The following SMYD1 variants were observed in gnomAD, a reference collection of about 807,000 sequenced individuals.
The protein encoded by SMYD1 is histone-lysine N-methyltransferase SMYD1.
SMYD1 carries 49 observed loss-of-function variants against 54.0 expected under a neutral mutation model. The ratio of observed to expected loss-of-function variants is 0.91; its 90% CI spans 0.72 to 1.15. SMYD1 has a LOEUF of 1.15. Ranked by LOEUF, SMYD1 falls within the 50% of genes most tolerant of loss-of-function variation. The pLI is 0.00. For synonymous variants in SMYD1, 269 were observed against 234.2 expected, an observed-to-expected ratio of 1.15 and a Z score of -1.36; for missense variants, 653 against 639.6, an observed-to-expected ratio of 1.02 and a Z score of -0.23.
At position 88,106,450 on chromosome 2, in the gene SMYD1, G is replaced by A. The variant is rs202053287; in HGVS notation, c.1107G>A (p.Glu369=). The change falls in exon 8 of 10, where the codon GAG becomes GAA. Residue 369 remains glutamate, a synonymous_variant. Coordinates refer to ENST00000419482, the MANE Select transcript of SMYD1 (RefSeq NM_198274.4). ...EVLSYLQAFE[E]ASFYARRMVD... Reference sequence around the variant, plus strand: ...TTTCCTACCTCCAGGCCTTTGAGGAGGCCTCGTTCTATGCCAGGAGGATGG... The same window carrying A: ...TTTCCTACCTCCAGGCCTTTGAGGAAGCCTCGTTCTATGCCAGGAGGATGG... The A allele has an allele frequency of 2.2e-5, 35 of 1,614,048 alleles. No individual in the cohort carries two copies. The Middle Eastern group carries it at 6.6e-4, about 30-fold the overall frequency.
chr2:88,102,148 G>A (rs902492254), intron 6 of SMYD1, among the ~76,000 whole-genome samples: 1 of 151,426 alleles, frequency 6.6e-6, no homozygotes, highest in Admixed American at 6.6e-5. Flanking sequence ...AAATAATAAA[G>A]TTATTTTCAT....
At position 88,086,755 on chromosome 2, in the gene SMYD1, A is replaced by G. The variant is rs142581923; in HGVS notation, c.315-1107A>G. 1.1e-3 allele frequency among the ~76,000 whole-genome samples: 163 copies of G among 152,326 alleles called. 1 individual carries two copies. The highest frequency in any genetic ancestry group is 3.8e-3 in the African/African-American group (157 of 41,578). ...ACAAATCATGTTATGTTTTCAATCA[A>G]CTTTCTATTAGTACCGATTTCAGAA... On this transcript the variant is annotated intron_variant, in intron 2 of 9. Transcript: ENST00000419482.
chr2:88,080,005 A>G (rs1404376524), intron 1 of SMYD1, among the ~76,000 whole-genome samples: 3 of 152,244 alleles, frequency 2.0e-5, no homozygotes, highest in Non-Finnish European at 4.4e-5. Context: ...ATATCTTTTA[A>G]TAAACATTGT....
intron 7 of SMYD1, among the ~76,000 whole-genome samples, chr2:88,105,265 C>T (rs1474743058): frequency 1.3e-5 from 2 of 152,146 alleles, no homozygotes; most frequent in East Asian, 3.9e-4. Flanking sequence ...TTTACCCTCT[C>T]TGTGCTTCAG....
At chr2:88,079,851 A>G (rs1029857395) in intron 1 of SMYD1, among the ~76,000 whole-genome samples, 3 of 152,092 alleles carry the variant, frequency 2.0e-5, no homozygotes, top group Non-Finnish European at 4.4e-5. Context: ...ATAAAAGTCA[A>G]TCTGTTTTTT....
intron 1 of SMYD1, 46 bp downstream of exon 1, chr2:88,068,047 G>T: frequency 6.3e-7 from 1 of 1,578,494 alleles, no homozygotes; most frequent in Non-Finnish European, 8.6e-7. Context: ...GTTTGGCTGG[G>T]GCCAAACTCT....
chr2:88,089,688 G>T (rs58253454), intron 3 of SMYD1, among the ~76,000 whole-genome samples: 10,678 of 149,108 alleles, frequency 0.072, 1,227 homozygotes, highest in African/African-American at 0.24. Flanking sequence ...CATCTTCCAG[G>T]CTCAAGTGAT....
intron 1 of SMYD1, among the ~76,000 whole-genome samples, chr2:88,073,797 T>C (rs941786877): frequency 5.9e-5 from 9 of 152,256 alleles, no homozygotes; most frequent in African/African-American, 2.2e-4. Context: ...TTAAAACTTT[T>C]TTTAGTATTG....
At chr2:88,077,810 G>A (rs1473486594) in intron 1 of SMYD1, among the ~76,000 whole-genome samples, 1 of 146,782 alleles carries the variant, frequency 6.8e-6, no homozygotes, top group Non-Finnish European at 1.5e-5. Flanking sequence ...TGCAAGCTCC[G>A]CCTCCCAGGT....
At chr2:88,077,011 CAAAAA>C (rs112988082) in intron 1 of SMYD1, among the ~76,000 whole-genome samples, 2 of 117,204 alleles carry the variant, frequency 1.7e-5, no homozygotes, top group Admixed American at 9.2e-5. Flanking sequence ...GACCCTGTCT[CAAAAA>C]AAAAAAAAAA....
intron 6 of SMYD1, among the ~76,000 whole-genome samples, chr2:88,099,088 T>G (rs1366142596): frequency 2.0e-5 from 3 of 152,174 alleles, no homozygotes; most frequent in Non-Finnish European, 2.9e-5. Flanking sequence ...AATTTTATTT[T>G]ATTTTTATTT....
chr2:88,072,022 A>T (rs938603665), intron 1 of SMYD1, among the ~76,000 whole-genome samples: 33 of 151,290 alleles, frequency 2.2e-4, no homozygotes, highest in African/African-American at 8.0e-4. Context: ...AAAAAACCCC[A>T]GCTATTAACA....
At chr2:88,078,736 A>G (rs1488044024) in intron 1 of SMYD1, among the ~76,000 whole-genome samples, 1 of 152,236 alleles carries the variant, frequency 6.6e-6, no homozygotes, top group Non-Finnish European at 1.5e-5. Flanking sequence ...GAGTTTTAAC[A>G]AGATTGCTGG....
At position 88,087,857 on chromosome 2, in the gene SMYD1, C is replaced by G; in HGVS notation, c.315-5C>G. The G allele has an allele frequency of 1.3e-6, 2 of 1,560,320 alleles. No individual in the cohort carries two copies. The highest frequency in any genetic ancestry group is 1.7e-6 in the Non-Finnish European group (2 of 1,152,652). ...AGTGGCCTCCTGACGCTGCCCTTCC[C>G]ACAGGCTGGCGGCGCGCATCATGTG... On this transcript the variant is annotated splice_region_variant and splice_polypyrimidine_tract_variant and intron_variant, in intron 2 of 9. Transcript: ENST00000419482.
At chr2:88,101,266 G>T (rs1184864553) in intron 6 of SMYD1, among the ~76,000 whole-genome samples, 4 of 152,234 alleles carry the variant, frequency 2.6e-5, no homozygotes, top group Non-Finnish European at 5.9e-5. Context: ...CAAATCGAAA[G>T]GAAGCTGTTG....
At position 88,091,055 on chromosome 2, in the gene SMYD1, A is replaced by T. The variant is rs1674449723; in HGVS notation, c.572A>T (p.Gln191Leu). ...ACTCTCAGTGATCAGAGAGGCCTGCAGGCCGTGGGCGTAGGCATCTTCCCC... is the reference window on the plus strand; with the variant it reads ...ACTCTCAGTGATCAGAGAGGCCTGCTGGCCGTGGGCGTAGGCATCTTCCCC... ...GFTLSDQRGL[Q>L]AVGVGIFPNL... Residue 191 changes from glutamine to leucine, a missense_variant, in exon 4 of 10, where the codon CAG (glutamine) becomes CTG (leucine). Coordinates refer to ENST00000419482, the MANE Select transcript of SMYD1 (RefSeq NM_198274.4). The T allele has an allele frequency of 6.2e-7, 1 of 1,614,026 alleles. No individual in the cohort carries two copies. Among genetic ancestry groups the T allele is most frequent in the Non-Finnish European group, 8.5e-7 (1 of 1,180,004 alleles).
Position 88,110,491 on chromosome 2 carries a change from T to C in SMYD1, c.1452T>C (p.Ala484=), listed in dbSNP as rs768597573. Residue 484 remains alanine, a synonymous_variant, in exon 10 of 10, where the codon GCT becomes GCC. Coordinates refer to ENST00000419482, the MANE Select transcript of SMYD1 (RefSeq NM_198274.4). ...AGCCCAGCAATGAGCCATCCCCAGC[T>C]CTGTTCCACAAGAAGCAATGAGGAC... ...MAEPSNEPSP[A]LFHKKQ is the part of the protein sequence containing the mutation. The C allele has an allele frequency of 1.5e-5, 24 of 1,590,222 alleles. No individual in the cohort carries two copies. In the East Asian group the frequency reaches 5.4e-4, roughly 36 times the overall value.
At chr2:88,084,638 C>T (rs1674280076) in intron 2 of SMYD1, 146 bp downstream of exon 2, 2 of 713,894 alleles carry the variant, frequency 2.8e-6, no homozygotes, top group African/African-American at 3.5e-5. Flanking sequence ...CACTTCTCTT[C>T]ACTCCCTTAA....
intron 1 of SMYD1, among the ~76,000 whole-genome samples, chr2:88,076,886 C>G (rs1054911591): frequency 6.6e-6 from 1 of 152,082 alleles, no homozygotes; most frequent in African/African-American, 2.4e-5. Context: ...GTGGCATGTG[C>G]CTGTAGTCCC....
Sources: allele counts gnomAD v4.1 joint callset (sites outside exome capture counted in the v4.1 genomes callset), GRCh38; gene constraint gnomAD v4.1.1; transcripts MANE v1.5; gene names NCBI Gene and HGNC (gene_info 2026-07-23, HGNC 2026-07-21).